OR51B5: variants seen among roughly 807,000 people sequenced by gnomAD.
OR51B5 encodes the protein olfactory receptor 51B5.
For missense variants in OR51B5, 456 were observed against 374.6 expected (o/e 1.22, Z -1.79); for synonymous variants, 186 against 144.8 (o/e 1.28, Z -2.04).
chr11:5,413,016 G>C (rs114699515), intron 1 of OR51B5, among the ~76,000 whole-genome samples: 10,936 of 126,246 alleles, frequency 0.087, 455 homozygotes, highest in South Asian at 0.13. Context: ...CCCCAGAGCA[G>C]CCTTACTGGG....
intron 1 of OR51B5, among the ~76,000 whole-genome samples, chr11:5,398,039 C>T (rs9795356): frequency 0.37 from 55,802 of 151,538 alleles, 10,357 homozygotes; most frequent in South Asian, 0.42. Flanking sequence ...CATCACACAC[C>T]GGGGCCTGTT....
At chr11:5,358,566 A>G (rs1849230261) in intron 1 of OR51B5, among the ~76,000 whole-genome samples, 1 of 152,240 alleles carries the variant, frequency 6.6e-6, no homozygotes, top group African/African-American at 2.4e-5. Context: ...CCAGAGGTAC[A>G]AGGAGGAGCT....
At chr11:5,391,729 G>C (rs905710272) in intron 1 of OR51B5, 1 of 151,418 alleles carries the variant, frequency 6.6e-6, no homozygotes, top group Non-Finnish European at 1.5e-5. Context: ...TCTCCTACAG[G>C]TTAAAATTAC....
intron 1 of OR51B5, among the ~76,000 whole-genome samples, chr11:5,357,196 T>C (rs907327040): frequency 6.6e-6 from 1 of 150,776 alleles, no homozygotes; most frequent in Admixed American, 6.6e-5. Flanking sequence ...AGATAAAGAG[T>C]CAAGACCCAT....
rs772163680 is a variant in OR51B5, at chr11:5,453,814, T to C, written n.84+51755A>G. 1.9e-5 allele frequency: 31 copies of C among 1,614,132 alleles called. No individual in the cohort carries two copies. The Admixed American group carries it at 4.7e-4, about 24-fold the overall frequency. On this transcript the variant is annotated intron_variant and non_coding_transcript_variant, in intron 1 of 4. Coordinates refer to the OR51B5 transcript ENST00000415970. ...ATGTTTCTTATTCACTTCTTCTCCA[T>C]GATGGAATCAGGTATTCTGCTGGCC...
intron 1 of OR51B5, chr11:5,393,035 C>T (rs1589971824): frequency 6.6e-6 from 1 of 152,134 alleles, no homozygotes; most frequent in Non-Finnish European, 1.5e-5. Flanking sequence ...CAAAATACAT[C>T]AAAAGACTTG....
chr11:5,478,097 A>G (rs1851345359), intron 1 of OR51B5, among the ~76,000 whole-genome samples: 2 of 151,816 alleles, frequency 1.3e-5, no homozygotes, highest in South Asian at 4.2e-4. Context: ...ACCTCTGCAG[A>G]CTTCAATGTC....
At chr11:5,381,904 T>G (rs550957638) in intron 1 of OR51B5, among the ~76,000 whole-genome samples, 1 of 152,358 alleles carries the variant, frequency 6.6e-6, no homozygotes, top group African/African-American at 2.4e-5. Context: ...ATTAGAGATC[T>G]CTAAATGGTA....
chr11:5,422,354 C>A, intron 1 of OR51B5: 2 of 1,614,152 alleles, frequency 1.2e-6, no homozygotes, highest in Non-Finnish European at 8.5e-7. Flanking sequence ...CACTGTCATT[C>A]GCACAGAGCC....
At chr11:5,448,379 A>C in intron 1 of OR51B5, among the ~76,000 whole-genome samples, 1 of 152,186 alleles carries the variant, frequency 6.6e-6, no homozygotes, top group East Asian at 1.9e-4. Context: ...TGATAGCAAC[A>C]TTTAAGGAGA....
intron 1 of OR51B5, among the ~76,000 whole-genome samples, chr11:5,419,125 T>A (rs1296776041): frequency 1.3e-5 from 2 of 152,224 alleles, no homozygotes; most frequent in Non-Finnish European, 2.9e-5. Flanking sequence ...TTTGAAATGA[T>A]GTAAGATTTC....
chr11:5,431,118 TG>T (rs1850528634), intron 1 of OR51B5: 1 of 415,386 alleles, frequency 2.4e-6, no homozygotes, highest in East Asian at 7.1e-5. Flanking sequence ...TCAAAAGGAT[TG>T]GAAGTGGGGC....
At chr11:5,345,224 T>C (rs1028749497), upstream of OR51B5, among the ~76,000 whole-genome samples, 2 of 152,200 alleles carry the variant, frequency 1.3e-5, no homozygotes, top group African/African-American at 4.8e-5. Context: ...ATATTCTGAT[T>C]TGTATTTTTA....
chr11:5,411,378 T>A (rs1337574241), intron 1 of OR51B5, among the ~76,000 whole-genome samples: 4 of 152,140 alleles, frequency 2.6e-5, no homozygotes, highest in Non-Finnish European at 4.4e-5. Context: ...TAGTAAGCTG[T>A]ACCATCTAGG....
intron 1 of OR51B5, among the ~76,000 whole-genome samples, chr11:5,396,779 C>T (rs1849879133): frequency 6.6e-6 from 1 of 152,046 alleles, no homozygotes; most frequent in African/African-American, 2.4e-5. Flanking sequence ...AAGCTGGAGG[C>T]ATCACACTAC....
At chr11:5,456,251 A>G (rs1464374976) in intron 1 of OR51B5, 2 of 152,190 alleles carry the variant, frequency 1.3e-5, no homozygotes, top group African/African-American at 4.8e-5. Context: ...GAGCCTCCCA[A>G]AAAGCCTCTG....
At chr11:5,400,952 G>C (rs1849958818) in intron 1 of OR51B5, among the ~76,000 whole-genome samples, 1 of 152,240 alleles carries the variant, frequency 6.6e-6, no homozygotes, top group Non-Finnish European at 1.5e-5. Context: ...CGGGAAGCAT[G>C]TTTGTTCGTG....
At chr11:5,349,182 C>G (rs996969143) in intron 1 of OR51B5, among the ~76,000 whole-genome samples, 1 of 152,100 alleles carries the variant, frequency 6.6e-6, no homozygotes, top group African/African-American at 2.4e-5. Context: ...ACTCACAGAT[C>G]ATCTCATATA....
At chr11:5,454,363 A>G (rs1363083176) in intron 1 of OR51B5, 1 of 1,613,790 alleles carries the variant, frequency 6.2e-7, no homozygotes, top group African/African-American at 1.3e-5. Context: ...CCTCTCATTT[A>G]TAGCGCCAAG....
Sources: allele counts gnomAD v4.1 joint callset (sites outside exome capture counted in the v4.1 genomes callset), GRCh38; gene constraint gnomAD v4.1.1; transcripts MANE v1.5; gene names NCBI Gene and HGNC (gene_info 2026-07-23, HGNC 2026-07-21).